ZFHX3: variants seen among roughly 807,000 people sequenced by gnomAD.
ZFHX3 encodes the protein zinc finger homeobox protein 3.
A neutral mutation model predicts 279.1 loss-of-function variants in ZFHX3; 42 were observed. That is an observed-to-expected ratio of 0.15 (90% CI 0.12 to 0.19). The LOEUF (loss-of-function observed/expected upper bound fraction) is 0.19. ZFHX3 is among the 10% of genes least tolerant of loss of function. ZFHX3 has a pLI of 1.00. For synonymous variants in ZFHX3, 2,293 were observed against 1,957.8 expected, an observed-to-expected ratio of 1.17 and a Z score of -4.52; for missense variants, 4,981 against 4,754.0, an observed-to-expected ratio of 1.05 and a Z score of -1.40.
At position 72,797,041 on chromosome 16, in the gene ZFHX3, C is replaced by T. The variant is rs376372102; in HGVS notation, c.5641G>A (p.Val1881Ile). 1.5e-4 allele frequency: 245 copies of T among 1,613,844 alleles called. No individual in the cohort carries two copies. Among genetic ancestry groups the T allele is most frequent in the Non-Finnish European group, 1.9e-4 (222 of 1,180,022 alleles). ...SQHPEKKNKL[V>I]IKEKEKESQR... Reference sequence around the variant, plus strand: ...CTTTCTTTTTCCTTTTCTTTGATGACCAATTTGTTCTTCTTTTCGGGGTGC... The same window carrying T: ...CTTTCTTTTTCCTTTTCTTTGATGATCAATTTGTTCTTCTTTTCGGGGTGC... Residue 1881 changes from valine (V) to isoleucine (I), a missense_variant, in exon 9 of 10, where the codon GTC becomes ATC. Around this residue, in one of 7 missense-constraint regions of ZFHX3, gnomAD observed 1,751 missense variants for 1,770.0 expected, o/e 0.99. Transcript: ENST00000268489.
chr16:73,632,180 C>A (rs561486964), intron 2 of ZFHX3, among the ~76,000 whole-genome samples: 2 of 152,156 alleles, frequency 1.3e-5, no homozygotes, highest in Non-Finnish European at 2.9e-5. Flanking sequence ...ATGTGTTGAG[C>A]AATTTATGTC....
intron 3 of ZFHX3, among the ~76,000 whole-genome samples, chr16:73,416,699 C>T (rs1046336511): frequency 4.0e-5 from 6 of 151,872 alleles, no homozygotes; most frequent in Admixed American, 2.6e-4. Flanking sequence ...TGGTGAAACC[C>T]CCGTCTCTAC....
intron 1 of ZFHX3, among the ~76,000 whole-genome samples, chr16:73,869,831 C>T (rs1390242829): frequency 6.6e-6 from 1 of 152,138 alleles, no homozygotes; most frequent in African/African-American, 2.4e-5. Context: ...AGGGAGGTAG[C>T]GGTCTCCTGC....
At chr16:73,084,028 A>C (rs1169677018) in intron 8 of ZFHX3, among the ~76,000 whole-genome samples, 2 of 152,302 alleles carry the variant, frequency 1.3e-5, no homozygotes, top group East Asian at 3.9e-4. Context: ...TAGTAGTGAC[A>C]ACCGACATCT....
chr16:72,940,068 C>T (rs185115414), intron 3 of ZFHX3, among the ~76,000 whole-genome samples: 3 of 152,148 alleles, frequency 2.0e-5, no homozygotes, highest in East Asian at 3.9e-4. Context: ...TGCCGCCACA[C>T]CTGGCTAATT....
chr16:73,281,616 G>A (rs1276131851), intron 4 of ZFHX3, among the ~76,000 whole-genome samples: 3 of 152,168 alleles, frequency 2.0e-5, no homozygotes, highest in Non-Finnish European at 4.4e-5. Context: ...CTTACGTTAA[G>A]TGATCTTAAC....
chr16:73,135,861 CTT>C (rs71391493), intron 6 of ZFHX3, among the ~76,000 whole-genome samples: 11 of 143,566 alleles, frequency 7.7e-5, no homozygotes, highest in Admixed American at 7.0e-5. Context: ...TATTTATATT[CTT>C]TTTTTTTTTT....
intron 4 of ZFHX3, among the ~76,000 whole-genome samples, chr16:73,268,565 G>C (rs892597820): frequency 2.0e-5 from 3 of 152,224 alleles, no homozygotes; most frequent in Non-Finnish European, 4.4e-5. Context: ...GGACTTGCTT[G>C]TTTTCATCCA....
At chr16:73,589,082 A>C (rs1218688871) in intron 2 of ZFHX3, among the ~76,000 whole-genome samples, 1 of 151,102 alleles carries the variant, frequency 6.6e-6, no homozygotes, top group Non-Finnish European at 1.5e-5. Flanking sequence ...AACATGGTGA[A>C]ACTCCATCTC....
chr16:73,614,747 G>C (rs1437693896), intron 2 of ZFHX3, among the ~76,000 whole-genome samples: 1 of 151,976 alleles, frequency 6.6e-6, no homozygotes, highest in Non-Finnish European at 1.5e-5. Context: ...GATCTGAGTA[G>C]GATAACTTTT....
chr16:73,156,076 C>T (rs558727111), intron 5 of ZFHX3, among the ~76,000 whole-genome samples: 114 of 151,008 alleles, frequency 7.5e-4, no homozygotes, highest in Non-Finnish European at 1.1e-3. Context: ...ACTAAAAATA[C>T]AAAAAATTAG....
chr16:73,368,519 A>G (rs1401461428), intron 3 of ZFHX3, among the ~76,000 whole-genome samples: 1 of 152,232 alleles, frequency 6.6e-6, no homozygotes, highest in African/African-American at 2.4e-5. Flanking sequence ...TTAATTCAAC[A>G]GCATTCAGTA....
chr16:73,492,671 T>C (rs1188590394), intron 2 of ZFHX3, among the ~76,000 whole-genome samples: 1 of 152,180 alleles, frequency 6.6e-6, no homozygotes, highest in African/African-American at 2.4e-5. Context: ...CATATAAAAA[T>C]CCTCCAGCCT....
At chr16:73,127,445 T>C in intron 7 of ZFHX3, 2 of 1,305,316 alleles carry the variant, frequency 1.5e-6, no homozygotes, top group Non-Finnish European at 2.0e-6. Flanking sequence ...GTTCCGGAAC[T>C]GAGACATCAA....
intron 5 of ZFHX3, among the ~76,000 whole-genome samples, chr16:73,203,210 A>G (rs139883984): frequency 1.3e-5 from 2 of 152,088 alleles, no homozygotes; most frequent in African/African-American, 2.4e-5. Flanking sequence ...CTATGCATCA[A>G]CTGACTTTGC....
intron 2 of ZFHX3, among the ~76,000 whole-genome samples, chr16:73,591,822 TAA>T (rs35770364): frequency 2.0e-4 from 30 of 150,236 alleles, no homozygotes; most frequent in East Asian, 1.2e-3. Context: ...AAGGAAATGG[TAA>T]AAAAAAAAAA....
At chr16:73,407,961 G>A (rs1482649084) in intron 3 of ZFHX3, among the ~76,000 whole-genome samples, 1 of 152,084 alleles carries the variant, frequency 6.6e-6, no homozygotes, top group African/African-American at 2.4e-5. Flanking sequence ...CAGCAGTTGG[G>A]GAAGTGCATC....
At chr16:73,155,041 G>A (rs532184738) in intron 5 of ZFHX3, among the ~76,000 whole-genome samples, 1 of 151,890 alleles carries the variant, frequency 6.6e-6, no homozygotes, top group South Asian at 2.1e-4. Context: ...TGGCATGGTG[G>A]CTGCACTTGT....
At chr16:73,606,757 A>G (rs967566709) in intron 2 of ZFHX3, among the ~76,000 whole-genome samples, 1 of 151,996 alleles carries the variant, frequency 6.6e-6, no homozygotes, top group African/African-American at 2.4e-5. Flanking sequence ...GACAGGCCCC[A>G]GTGTGTGTTG....
Sources: allele counts gnomAD v4.1 joint callset (sites outside exome capture counted in the v4.1 genomes callset), GRCh38; gene constraint gnomAD v4.1.1; regional missense constraint gnomAD v4.1.1; transcripts MANE v1.5; gene names NCBI Gene and HGNC (gene_info 2026-07-23, HGNC 2026-07-21).